The following MICAL2 variants were observed in gnomAD, a reference collection of about 807,000 sequenced individuals.
MICAL2 encodes the protein [F-actin]-monooxygenase MICAL2.
MICAL2 carries 77 observed loss-of-function variants against 127.3 expected under a neutral mutation model. The ratio of observed to expected loss-of-function variants is 0.60; its 90% CI spans 0.50 to 0.73. MICAL2 has a LOEUF of 0.73. Among genes scored for constraint, MICAL2 ranks in the 30% least tolerant of loss-of-function variants. The pLI is 0.00. For synonymous variants in MICAL2, 570 were observed against 551.1 expected, an observed-to-expected ratio of 1.03 and a Z score of -0.48; for missense variants, 1,351 against 1,434.4, an observed-to-expected ratio of 0.94 and a Z score of 0.94.
At chr11:12,129,883 T>C (rs977645250) in intron 1 of MICAL2, among the ~76,000 whole-genome samples, 2 of 151,936 alleles carry the variant, frequency 1.3e-5, no homozygotes, top group African/African-American at 4.8e-5. Context: ...AATTTTTTCT[T>C]TTGTTTTTAG....
intron 3 of MICAL2, among the ~76,000 whole-genome samples, chr11:12,190,030 TTTAA>T (rs945401612): frequency 7.9e-5 from 12 of 152,322 alleles, no homozygotes; most frequent in Non-Finnish European, 1.8e-4. Context: ...TCAAAAACAT[TTTAA>T]TTACAAACCA....
intron 4 of MICAL2, among the ~76,000 whole-genome samples, chr11:12,207,366 C>T (rs192646782): frequency 2.1e-4 from 32 of 152,364 alleles, no homozygotes; most frequent in Non-Finnish European, 1.5e-5. Flanking sequence ...GAAGGGCCCA[C>T]AGAAAGTTTA....
At chr11:12,169,627 G>T (rs1235051161) in intron 3 of MICAL2, among the ~76,000 whole-genome samples, 1 of 152,152 alleles carries the variant, frequency 6.6e-6, no homozygotes, top group Non-Finnish European at 1.5e-5. Flanking sequence ...CTTGTGATCT[G>T]CCTGCCTCGG....
At position 12,208,045 on chromosome 11, in the gene MICAL2, C is replaced by T. The variant is rs370964105; in HGVS notation, c.495C>T (p.Ile165=). Residue 165 remains isoleucine (I), a synonymous_variant, in exon 5 of 28, where the codon ATC becomes ATT. Transcript: ENST00000683283. ...DHISIRQLQL[I]LFKVALMLGV... Reference sequence around the variant, plus strand: ...CAGGTATTCGCCAACTACAGCTCATCCTATTCAAGGTGGCCCTGATGCTGG... The same window carrying T: ...CAGGTATTCGCCAACTACAGCTCATTCTATTCAAGGTGGCCCTGATGCTGG... 1.3e-4 allele frequency: 217 copies of T among 1,614,180 alleles called. 1 individual carries two copies. The Admixed American group carries it at 1.5e-3, about 11-fold the overall frequency.
intron 1 of MICAL2, among the ~76,000 whole-genome samples, chr11:12,127,521 G>A (rs1380826350): frequency 2.0e-5 from 3 of 152,218 alleles, no homozygotes; most frequent in Non-Finnish European, 2.9e-5. Flanking sequence ...AGGAGATGGT[G>A]TGTGCTGCAT....
intron 33 of MICAL2, among the ~76,000 whole-genome samples, chr11:12,351,181 T>C (rs1330852777): frequency 6.6e-6 from 1 of 152,208 alleles, no homozygotes; most frequent in Non-Finnish European, 1.5e-5. Flanking sequence ...GGTTAGGACG[T>C]GGACATATCT....
Position 12,236,226 on chromosome 11 carries a change from G to C in MICAL2, c.2045G>C (p.Gly682Ala). 6.2e-7 allele frequency: 1 copy of C among 1,614,184 alleles called. No homozygotes were observed. Among genetic ancestry groups the C allele is most frequent in the South Asian group, 1.1e-5 (1 of 91,092 alleles). ...GACATGAACAAACGGAGACGGAAGG[G>C]CTTCACCAACCTGGACGAGGTTTGT... The part of the protein sequence containing the change: ...ENDMNKRRRK[G>A]FTNLDEPSNF... Residue 682 changes from glycine to alanine, a missense_variant, in exon 16 of 28, where the codon GGC (glycine) becomes GCC (alanine). This residue lies in a region of MICAL2 where 752 missense variants were observed against 719.4 expected (regional missense o/e 1.05). Coordinates refer to ENST00000683283, the MANE Select transcript of MICAL2 (RefSeq NM_001282663.2).
intron 15 of MICAL2, among the ~76,000 whole-genome samples, chr11:12,229,988 T>C (rs1004332204): frequency 3.3e-5 from 5 of 152,186 alleles, no homozygotes; most frequent in African/African-American, 4.8e-5. Flanking sequence ...ATGGGCATTG[T>C]TTGTTCTCTC....
intron 1 of MICAL2, among the ~76,000 whole-genome samples, chr11:12,128,926 C>CA (rs1473216649): frequency 7.9e-5 from 12 of 152,230 alleles, no homozygotes; most frequent in African/African-American, 2.9e-4. Context: ...TGGCCCATAG[C>CA]AAGCACTCTG....
In MICAL2 at chr11:12,146,374, AGAC is replaced by A. The variant is rs1410157907; in HGVS notation, c.-78+7915_-78+7917del. Among the ~76,000 whole-genome samples, 4 of 152,376 alleles carry A rather than the reference AGAC, an allele frequency of 2.6e-5. No individual in the cohort carries two copies. In the East Asian group the frequency reaches 7.7e-4, roughly 29 times the overall value. On this transcript the variant is annotated intron_variant, in intron 2 of 27. Transcript: ENST00000683283. ...GAACTCAAACAAATTTACAAGAAAA[AGAC>A]AACCCCATCAACAAGTGGGCGAAGG...
chr11:12,249,708 G>A (rs1011147894), intron 22 of MICAL2, among the ~76,000 whole-genome samples: 2 of 152,174 alleles, frequency 1.3e-5, no homozygotes, highest in African/African-American at 4.8e-5. Flanking sequence ...CCTTACCCAC[G>A]TGGGCTTGCT....
At chr11:12,322,896 A>C (rs905000855) in intron 30 of MICAL2, among the ~76,000 whole-genome samples, 2 of 152,154 alleles carry the variant, frequency 1.3e-5, no homozygotes, top group Non-Finnish European at 2.9e-5. Flanking sequence ...GCTTAGCCTT[A>C]TTATTTCATT....
downstream of MICAL2, chr11:12,292,327 G>T (rs1326996776): frequency 4.3e-6 from 7 of 1,612,808 alleles, no homozygotes; most frequent in Admixed American, 5.0e-5. Context: ...CTGCCCAGGT[G>T]TCAGGAAGCT....
chr11:12,135,336 A>G (rs186448721), intron 1 of MICAL2, among the ~76,000 whole-genome samples: 6 of 152,314 alleles, frequency 3.9e-5, no homozygotes, highest in East Asian at 3.9e-4. Context: ...CCCATTTTAC[A>G]TACCAGGAAA....
intron 30 of MICAL2, among the ~76,000 whole-genome samples, chr11:12,322,190 T>G (rs1864307044): frequency 6.6e-6 from 1 of 152,200 alleles, no homozygotes. Context: ...GAGGATTTAT[T>G]ACGTAGGTTA....
chr11:12,213,453 T>A, intron 7 of MICAL2, 43 bp downstream of exon 7: 1 of 1,592,306 alleles, frequency 6.3e-7, no homozygotes, highest in Non-Finnish European at 8.6e-7. Context: ...AGGTCTAAAG[T>A]TTGCAGTTTC....
At position 12,241,024 on chromosome 11, in the gene MICAL2, G is replaced by C. The variant is rs373041192; in HGVS notation, c.2215-16G>C. On this transcript the variant is annotated splice_polypyrimidine_tract_variant and intron_variant, in intron 17 of 27. Transcript: ENST00000683283. ...CTCCTGTGGCTGCTTTTTTGGACTC[G>C]CCTTTCTTCTCCCAGGAACGCCGTG... The C allele has an allele frequency of 1.1e-5, 17 of 1,610,626 alleles. No homozygotes were observed. The highest frequency in any genetic ancestry group is 1.4e-5 in the Non-Finnish European group (17 of 1,178,688).
intron 3 of MICAL2, among the ~76,000 whole-genome samples, chr11:12,203,293 A>G (rs7104916): frequency 0.31 from 47,475 of 152,078 alleles, 9,896 homozygotes; most frequent in African/African-American, 0.58. Context: ...TGGAATTGCT[A>G]GCTCCTGTGG....
downstream of MICAL2, among the ~76,000 whole-genome samples, chr11:12,293,048 C>T (rs1157459278): frequency 6.6e-6 from 1 of 152,256 alleles, no homozygotes; most frequent in Non-Finnish European, 1.5e-5. Context: ...ACCACAGCTT[C>T]AGCCCAGAGA....
Sources: allele counts gnomAD v4.1 joint callset (sites outside exome capture counted in the v4.1 genomes callset), GRCh38; gene constraint gnomAD v4.1.1; regional missense constraint gnomAD v4.1.1; transcripts MANE v1.5; gene names NCBI Gene and HGNC (gene_info 2026-07-23, HGNC 2026-07-21).